BTRC: variants seen among roughly 807,000 people sequenced by gnomAD.
BTRC encodes F-box/WD repeat-containing protein 1A.
In BTRC, 42 loss-of-function variants were observed where a neutral mutation model predicts 85.5. That is an observed-to-expected ratio of 0.49 (90% CI 0.38 to 0.64). BTRC has a LOEUF of 0.64. Ranked by LOEUF, BTRC falls within the 30% of genes least tolerant of loss-of-function variation. The pLI, the probability that BTRC is intolerant of heterozygous loss-of-function variation, is 0.00. For synonymous variants in BTRC, 255 were observed against 263.3 expected (o/e 0.97, Z 0.30); for missense variants, 594 against 743.5 (o/e 0.80, Z 2.34).
intron 1 of BTRC, among the ~76,000 whole-genome samples, chr10:101,355,282 G>A (rs950650759): frequency 4.6e-5 from 7 of 152,140 alleles, no homozygotes; most frequent in Non-Finnish European, 1.0e-4. Context: ...AGTAAGTCAG[G>A]GATAAGTCAG....
chr10:101,461,985 C>G lies in BTRC; in HGVS notation c.161C>G (p.Ser54Cys). 4 of 1,608,388 alleles carry G rather than the reference C, an allele frequency of 2.5e-6. No individual in the cohort carries two copies. The highest frequency in any genetic ancestry group is 3.4e-6 in the Non-Finnish European group (4 of 1,175,756). Residue 54 changes from serine (S) to cysteine (C), a missense_variant, in exon 3 of 15, where the codon TCC becomes TGC. Ser to Cys is a moderately radical substitution (Grantham distance 112). Around this residue, in one of 4 missense-constraint regions of BTRC, gnomAD observed 163 missense variants for 180.5 expected, o/e 0.90. Coordinates refer to ENST00000370187, the MANE Select transcript of BTRC (RefSeq NM_033637.4). Reference sequence around the variant, plus strand: ...AAAGCTTACTTTCTTTCACAGAATTCCTCAGAGAGAGAAGACTGTAATAAT... The same window carrying G: ...AAAGCTTACTTTCTTTCACAGAATTGCTCAGAGAGAGAAGACTGTAATAAT... ...GTGALTAFQN[S>C]SEREDCNNGE...
At chr10:101,434,708 T>C (rs2134092496) in intron 2 of BTRC, among the ~76,000 whole-genome samples, 1 of 151,990 alleles carries the variant, frequency 6.6e-6, no homozygotes, top group East Asian at 1.9e-4. Flanking sequence ...GCGGGAGGAT[T>C]GCTTAAGCCC....
intron 4 of BTRC, among the ~76,000 whole-genome samples, chr10:101,513,239 A>T (rs1002626203): frequency 4.6e-5 from 7 of 152,226 alleles, no homozygotes; most frequent in Non-Finnish European, 1.0e-4. Context: ...AATAAAATTC[A>T]TATTACAGTG....
At chr10:101,395,681 TAATA>T (rs1400053086) in intron 1 of BTRC, among the ~76,000 whole-genome samples, 8 of 152,308 alleles carry the variant, frequency 5.3e-5, no homozygotes, top group African/African-American at 7.2e-5. Context: ...CAGGTTTGAT[TAATA>T]AATTATATTT....
chr10:101,501,497 AAAACATTTATGTCAACTAT>A (rs1232245581), intron 4 of BTRC, among the ~76,000 whole-genome samples: 14 of 152,206 alleles, frequency 9.2e-5, no homozygotes, highest in African/African-American at 2.7e-4. Context: ...AGGCTACATT[AAAACATTTATGTCAACTAT>A]AAGAAAACTT....
At chr10:101,460,369 T>C (rs546796601) in intron 2 of BTRC, among the ~76,000 whole-genome samples, 2 of 152,358 alleles carry the variant, frequency 1.3e-5, no homozygotes, top group Non-Finnish European at 2.9e-5. Flanking sequence ...AATTCAATTA[T>C]ATCCTTCCTC....
intron 1 of BTRC, among the ~76,000 whole-genome samples, chr10:101,362,097 A>G (rs1366283909): frequency 7.9e-5 from 12 of 151,948 alleles, no homozygotes; most frequent in Non-Finnish European, 1.5e-4. Context: ...AGTAGCTGGG[A>G]TTACAGGCAC....
intron 1 of BTRC, among the ~76,000 whole-genome samples, chr10:101,362,246 C>T (rs1331695317): frequency 1.3e-5 from 2 of 152,040 alleles, no homozygotes; most frequent in Non-Finnish European, 1.5e-5. Context: ...TGTGAGCCAC[C>T]GTGCCCGGCC....
At chr10:101,386,606 T>C (rs1280569871) in intron 1 of BTRC, among the ~76,000 whole-genome samples, 1 of 152,208 alleles carries the variant, frequency 6.6e-6, no homozygotes, top group Non-Finnish European at 1.5e-5. Context: ...ATAAAAAGTA[T>C]TGTGGAATAC....
intron 4 of BTRC, among the ~76,000 whole-genome samples, chr10:101,481,273 A>G (rs185846938): frequency 2.0e-5 from 3 of 152,344 alleles, no homozygotes; most frequent in East Asian, 1.9e-4. Context: ...GCTTTTGTGC[A>G]TGGAAACAGG....
At position 101,453,008 on chromosome 10, in the gene BTRC, G is replaced by GT. The variant is rs529608328; in HGVS notation, c.157-8964dup. The stretch of plus-strand genomic sequence containing the variant: ...AAATTTGTTTAAACACACACACAGT[G>GT]TTTTTTTTTAATGTCACCTTTCATA... On this transcript the variant is annotated intron_variant, in intron 2 of 14. Coordinates refer to ENST00000370187, the MANE Select transcript of BTRC (RefSeq NM_033637.4). 2.1e-4 allele frequency among the ~76,000 whole-genome samples: 32 copies of GT among 150,494 alleles called. No individual in the cohort carries two copies. The South Asian group carries it at 4.0e-3, about 19-fold the overall frequency.
intron 1 of BTRC, among the ~76,000 whole-genome samples, chr10:101,415,907 A>T (rs180982043): frequency 1.3e-5 from 2 of 152,268 alleles, no homozygotes; most frequent in African/African-American, 4.8e-5. Flanking sequence ...ACTTTCCACT[A>T]TATTGCAGTT....
chr10:101,540,601 T>C (rs960930692), intron 13 of BTRC, among the ~76,000 whole-genome samples: 1 of 152,192 alleles, frequency 6.6e-6, no homozygotes, highest in Non-Finnish European at 1.5e-5. Context: ...TGATTTTTCA[T>C]GTTAATTTTA....
chr10:101,519,508 C>T (rs1043934848), intron 4 of BTRC, among the ~76,000 whole-genome samples: 36 of 152,214 alleles, frequency 2.4e-4, no homozygotes, highest in African/African-American at 8.2e-4. Context: ...TCCTTGCCAG[C>T]TGTCCCCCTT....
At chr10:101,404,211 T>C (rs1943564647) in intron 1 of BTRC, among the ~76,000 whole-genome samples, 1 of 150,890 alleles carries the variant, frequency 6.6e-6, no homozygotes, top group Non-Finnish European at 1.5e-5. Flanking sequence ...TTTGTATTTT[T>C]GGTAGAGACG....
intron 1 of BTRC, among the ~76,000 whole-genome samples, chr10:101,366,918 T>TAA (rs1564730257): frequency 2.5e-3 from 8 of 3,176 alleles, no homozygotes; most frequent in South Asian, 0.011. Flanking sequence ...TAATATATAT[T>TAA]TATATATATT....
intron 1 of BTRC, among the ~76,000 whole-genome samples, chr10:101,419,867 G>C (rs1465961214): frequency 6.6e-6 from 1 of 152,008 alleles, no homozygotes; most frequent in Admixed American, 6.6e-5. Context: ...GTCATTCATT[G>C]AGCACCTCAA....
intron 13 of BTRC, among the ~76,000 whole-genome samples, chr10:101,540,697 G>T (rs1014449186): frequency 6.6e-6 from 1 of 152,108 alleles, no homozygotes; most frequent in African/African-American, 2.4e-5. Flanking sequence ...GGGTCTCAGT[G>T]TGTTGCCCAG....
chr10:101,525,863 C>A, intron 5 of BTRC, 150 bp from the exon 6 acceptor site: 1 of 634,192 alleles, frequency 1.6e-6, no homozygotes, highest in Non-Finnish European at 2.5e-6. Context: ...TTTACCCAAG[C>A]CTCTGTTTGA....
Sources: gnomAD v4.1 joint callset for allele counts (sites outside exome capture counted in the v4.1 genomes callset) on GRCh38, gnomAD v4.1.1 for gene constraint, gnomAD v4.1.1 regional missense constraint, MANE v1.5 for transcripts, NCBI Gene and HGNC (gene_info 2026-07-23, HGNC 2026-07-21) for gene names.